Variants in ITGA9 observed in about 807,000 individuals in gnomAD.
ITGA9 encodes the protein integrin subunit alpha 9.
In ITGA9, 56 loss-of-function variants were observed where a neutral mutation model predicts 127.8. The ratio of observed to expected loss-of-function variants is 0.44; its 90% CI spans 0.35 to 0.55. The LOEUF (loss-of-function observed/expected upper bound fraction) is 0.55. ITGA9 is among the 20% of genes least tolerant of loss of function. ITGA9 has a pLI of 0.00. For missense variants in ITGA9, 1,196 were observed against 1,347.1 expected (o/e 0.89, Z 1.76); for synonymous variants, 508 against 514.5 (o/e 0.99, Z 0.17).
intron 2 of ITGA9, among the ~76,000 whole-genome samples, chr3:37,471,786 G>A (rs972851489): frequency 1.3e-5 from 2 of 152,196 alleles, no homozygotes; most frequent in Admixed American, 1.3e-4. Context: ...GGGCATGGTG[G>A]CTCATGACTG....
intron 23 of ITGA9, among the ~76,000 whole-genome samples, chr3:37,759,660 G>C (rs1166950875): frequency 6.6e-6 from 1 of 152,104 alleles, no homozygotes; most frequent in Non-Finnish European, 1.5e-5. Flanking sequence ...CCAGCACTTT[G>C]GGAGGCTGAG....
Position 37,742,177 on chromosome 3 carries a change from T to C in ITGA9, c.2324+358T>C, listed in dbSNP as rs567011304. 5.9e-5 allele frequency among the ~76,000 whole-genome samples: 9 copies of C among 152,284 alleles called. No individual in the cohort carries two copies. The South Asian group carries it at 1.7e-3, about 28-fold the overall frequency. ...TAACAAGCAGCATGGCTCCTGGGAT[T>C]AAAATCTCAGCTGGAAGTTGCTGGG... is the stretch of plus-strand genomic sequence containing the variant. On this transcript the variant is annotated intron_variant, in intron 21 of 27. Transcript: ENST00000264741.
chr3:37,519,152 C>A, intron 10 of ITGA9, 108 bp from the exon 11 acceptor site: 1 of 779,268 alleles, frequency 1.3e-6, no homozygotes, highest in Admixed American at 2.0e-5. Context: ...AATCAACAAC[C>A]AATAATTTCT....
chr3:37,568,390 T>A (rs1169551558), intron 15 of ITGA9, among the ~76,000 whole-genome samples: 1 of 152,202 alleles, frequency 6.6e-6, no homozygotes, highest in African/African-American at 2.4e-5. Flanking sequence ...ACTTCTGACA[T>A]CCCCTGGAGA....
At chr3:37,641,185 G>T (rs542207498) in intron 16 of ITGA9, among the ~76,000 whole-genome samples, 2 of 152,190 alleles carry the variant, frequency 1.3e-5, no homozygotes, top group Non-Finnish European at 2.9e-5. Context: ...GCGGGCCAGC[G>T]AGTGTTACCG....
Position 37,503,318 on chromosome 3 carries a change from A to G in ITGA9, c.742+11A>G, listed in dbSNP as rs754062640. On this transcript the variant is annotated intron_variant, in intron 6 of 27. Transcript: ENST00000264741. The stretch of plus-strand genomic sequence containing the variant: ...GGTACACCTACCTGGGTGAGTACTC[A>G]GGGAGAGAACAGGTAAGAAAGGGGA... 4 of 1,613,792 alleles carry G rather than the reference A, an allele frequency of 2.5e-6. No individual in the cohort carries two copies. Among genetic ancestry groups the G allele is most frequent in the Non-Finnish European group, 2.5e-6 (3 of 1,179,758 alleles).
rs549116547 is a variant in ITGA9 at position 37,598,705 on chromosome 3, C to T, written c.1690-30482C>T. Among the ~76,000 whole-genome samples, 22 of 152,240 alleles carry T rather than the reference C, an allele frequency of 1.4e-4. No homozygotes were observed. The East Asian group carries it at 3.5e-3, about 24-fold the overall frequency. On this transcript the variant is annotated intron_variant, in intron 15 of 27. Coordinates refer to ENST00000264741, the MANE Select transcript of ITGA9 (RefSeq NM_002207.3). ...CCCTTAGGCCCCAAGTGTGTCAAGC[C>T]CCCTCTGCTTACAAAACTTTATTTT...
At chr3:37,797,717 CTTTTTA>C (rs950464982) in intron 26 of ITGA9, among the ~76,000 whole-genome samples, 5 of 152,108 alleles carry the variant, frequency 3.3e-5, no homozygotes, top group African/African-American at 1.2e-4. Context: ...ATTAGATAAT[CTTTTTA>C]TTTTTTATTT....
intron 9 of ITGA9, among the ~76,000 whole-genome samples, chr3:37,515,210 C>T (rs1382258415): frequency 6.6e-6 from 1 of 152,260 alleles, no homozygotes; most frequent in African/African-American, 2.4e-5. Flanking sequence ...ATGCCAAATA[C>T]ATAGAAAATG....
rs1697482116 is a variant in ITGA9, at chr3:37,819,239, A to G, written c.*250A>G. The G allele has an allele frequency of 5.3e-6, 3 of 567,560 alleles. No homozygotes were observed. Among genetic ancestry groups the G allele is most frequent in the South Asian group, 2.1e-5 (1 of 48,310 alleles). 35.2% of individuals were successfully genotyped at this position (567,560 alleles called of 1,614,324 possible). On this transcript the variant is annotated 3_prime_UTR_variant, in exon 28 of 28. Transcript: ENST00000264741. ...GGAGAGTGAGCTACAGAGCCGAGCA[A>G]TATTTATGGATGCAACACGCATGGT...
chr3:37,701,248 C>T (rs911390825), intron 18 of ITGA9, among the ~76,000 whole-genome samples: 1 of 152,208 alleles, frequency 6.6e-6, no homozygotes, highest in African/African-American at 2.4e-5. Context: ...ATAATCTCTG[C>T]TATGGGCTCT....
At chr3:37,803,678 G>T in intron 26 of ITGA9, 145 bp from the exon 27 acceptor site, 1 of 866,342 alleles carries the variant, frequency 1.2e-6, no homozygotes, top group Non-Finnish European at 1.8e-6. Context: ...GGAGGCTAAG[G>T]CAGGAGAATC....
chr3:37,502,015 T>G (rs1698791670), intron 5 of ITGA9, among the ~76,000 whole-genome samples: 1 of 152,154 alleles, frequency 6.6e-6, no homozygotes, highest in Non-Finnish European at 1.5e-5. Context: ...TTGATTGATT[T>G]CCATTATCGT....
intron 1 of ITGA9, among the ~76,000 whole-genome samples, chr3:37,461,406 C>G (rs577981348): frequency 1.3e-5 from 2 of 152,212 alleles, no homozygotes; most frequent in South Asian, 4.2e-4. Flanking sequence ...AGGGTACATC[C>G]CTCATTAGGT....
At chr3:37,509,554 C>T (rs1488349294) in intron 8 of ITGA9, among the ~76,000 whole-genome samples, 1 of 152,004 alleles carries the variant, frequency 6.6e-6, no homozygotes, top group African/African-American at 2.4e-5. Flanking sequence ...TGTACGCCAG[C>T]CTAGGATCCT....
At chr3:37,661,622 C>T (rs1430551245) in intron 17 of ITGA9, among the ~76,000 whole-genome samples, 1 of 152,214 alleles carries the variant, frequency 6.6e-6, no homozygotes, top group Non-Finnish European at 1.5e-5. Context: ...TGGCTCCAAG[C>T]AGAGGTAAAC....
chr3:37,758,386 A>T (rs1278818722), intron 23 of ITGA9, among the ~76,000 whole-genome samples: 2 of 150,070 alleles, frequency 1.3e-5, no homozygotes, highest in African/African-American at 4.9e-5. Context: ...AGAATAATAT[A>T]GTCTGGGTAA....
intron 24 of ITGA9, 98 bp downstream of exon 24, chr3:37,777,615 A>G (rs1168693864): frequency 7.1e-7 from 1 of 1,405,566 alleles, no homozygotes; most frequent in East Asian, 2.4e-5. Context: ...ATCTGGTTTT[A>G]ATCAATTTGA....
intron 15 of ITGA9, among the ~76,000 whole-genome samples, chr3:37,604,975 T>C (rs1018527592): frequency 2.6e-5 from 4 of 152,182 alleles, no homozygotes; most frequent in Non-Finnish European, 5.9e-5. Context: ...GTCAATGAAA[T>C]AGACATGAGT....
Sources: gnomAD v4.1 joint callset for allele counts (sites outside exome capture counted in the v4.1 genomes callset) on GRCh38, gnomAD v4.1.1 for gene constraint, MANE v1.5 for transcripts, NCBI Gene and HGNC (gene_info 2026-07-23, HGNC 2026-07-21) for gene names.